The following PROZ variants were observed in gnomAD, a reference collection of about 807,000 sequenced individuals.
PROZ encodes vitamin K-dependent protein Z.
In PROZ, 46 loss-of-function variants were observed where a neutral mutation model predicts 34.9. The ratio of observed to expected loss-of-function variants is 1.32; its 90% confidence interval spans 1.04 to 1.69. The LOEUF (loss-of-function observed/expected upper bound fraction) is 1.69. PROZ is among the 40% of genes most tolerant of loss of function. The pLI is 0.00. For missense variants in PROZ, 530 were observed against 520.4 expected (o/e 1.02, Z -0.18); for synonymous variants, 195 against 208.5 (o/e 0.94, Z 0.56).
intron 5 of PROZ, 28 bp downstream of exon 5, chr13:113,164,672 A>C: frequency 6.2e-7 from 1 of 1,612,664 alleles, no homozygotes; most frequent in Non-Finnish European, 8.5e-7. Flanking sequence ...AGCGGCCTCC[A>C]GCTTCCAATG....
At chr13:113,169,643 C>A (rs1240432876) in intron 6 of PROZ, among the ~76,000 whole-genome samples, 1 of 152,222 alleles carries the variant, frequency 6.6e-6, no homozygotes, top group Non-Finnish European at 1.5e-5. Context: ...AAGTCTAGAG[C>A]TAGTTATTCT....
chr13:113,169,922 A>C (rs111386213), intron 6 of PROZ, among the ~76,000 whole-genome samples: 1,609 of 152,316 alleles, frequency 0.011, 26 homozygotes, highest in African/African-American at 0.035. Flanking sequence ...TCTGTTCTGC[A>C]GGACTCTGTT....
chr13:113,159,986 G>A lies in PROZ; in HGVS notation c.71-28G>A. 1.2e-6 allele frequency: 2 copies of A among 1,613,172 alleles called. No homozygotes were observed. Among genetic ancestry groups the A allele is most frequent in the Non-Finnish European group, 1.7e-6 (2 of 1,179,902 alleles). On this transcript the variant is annotated intron_variant, in intron 1 of 7. Transcript: ENST00000375547. This position sits in a 1 kb window ranked among gnomAD's most constrained non-coding sequence, Gnocchi z 4.6. Reference sequence around the variant, plus strand: ...GAAAGCAGGGCCCTCGGTGCTCCCAGTCACCTGCCTTCTTGTCTCGTCTGT... The same window carrying A: ...GAAAGCAGGGCCCTCGGTGCTCCCAATCACCTGCCTTCTTGTCTCGTCTGT...
chr13:113,163,018 C>G lies in PROZ; in HGVS notation c.269C>G (p.Pro90Arg), dbSNP rs145523497. 1.7e-3 allele frequency: 2,608 copies of G among 1,555,888 alleles called. 8 individuals carry two copies. Among genetic ancestry groups the G allele is most frequent in the Non-Finnish European group, 2.1e-3 (2,424 of 1,149,086 alleles). ...EFWRRYKGGS[P>R]CISQPCLHNG... The stretch of plus-strand genomic sequence containing the variant: ...CATCCTCCTCCTGCAGGCGGCTCCC[C>G]GTGCATCTCCCAGCCCTGCCTCCAC... Residue 90 changes from proline to arginine, a missense_variant, in exon 4 of 8, where the codon CCG becomes CGG. Pro to Arg is a moderately radical substitution (Grantham distance 103, BLOSUM62 -2). Transcript: ENST00000375547.
intron 3 of PROZ, among the ~76,000 whole-genome samples, chr13:113,161,701 G>A (rs115820320): frequency 0.012 from 1,775 of 152,054 alleles, 39 homozygotes; most frequent in African/African-American, 0.041. Flanking sequence ...TGGGGGCCAG[G>A]CGATGGCATG....
rs1566933262 is a variant in PROZ at position 113,172,094 on chromosome 13, A to T, written c.1192A>T (p.Ile398Phe). The T allele has an allele frequency of 6.2e-7, 1 of 1,612,742 alleles. No individual in the cohort carries two copies. Among genetic ancestry groups the T allele is most frequent in the Non-Finnish European group, 8.5e-7 (1 of 1,179,950 alleles). ...CAGGTACTCACTCTGGTTTAAACAGATCATGAACTAACTGAAACTCAGCTA... is the reference window on the plus strand; with the variant it reads ...CAGGTACTCACTCTGGTTTAAACAGTTCATGAACTAACTGAAACTCAGCTA... Reference protein sequence around the residue: ...VSRYSLWFKQIMN With the variant: ...VSRYSLWFKQFMN Residue 398 changes from isoleucine (I) to phenylalanine (F), a missense_variant, in exon 8 of 8, where the codon ATC (isoleucine) becomes TTC (phenylalanine). By Grantham distance (21) the Ile-to-Phe change is conservative (BLOSUM62 0). Coordinates refer to ENST00000375547, the MANE Select transcript of PROZ (RefSeq NM_003891.3).
Position 113,159,286 on chromosome 13 carries a change from C to G in PROZ, c.70+556C>G. The G allele has an allele frequency of 1.3e-6, 2 of 1,529,264 alleles. No homozygotes were observed. Among genetic ancestry groups the G allele is most frequent in the African/African-American group, 1.4e-5 (1 of 72,614 alleles). The allele number at this position is 1,529,264 out of a possible 1,614,324, so 94.7% of individuals were successfully genotyped here. ...AGCTGCAAGTCAAAACACCCAGCAT[C>G]CCCGCTGGCCCCATGGTCTCCCGCT... On this transcript the variant is annotated intron_variant, in intron 1 of 7. Coordinates refer to ENST00000375547, the MANE Select transcript of PROZ (RefSeq NM_003891.3). The surrounding 1 kb of genome is among the most constrained non-coding windows in gnomAD (Gnocchi z 4.6).
At chr13:113,164,445 T>C (rs539652295) in intron 4 of PROZ, 68 bp from the exon 5 acceptor site, 4 of 1,560,958 alleles carry the variant, frequency 2.6e-6, no homozygotes, top group Non-Finnish European at 3.5e-6. Flanking sequence ...CACACAGAAC[T>C]GTGTGCAAGG....
At chr13:113,161,713 G>A (rs2036763358) in intron 3 of PROZ, among the ~76,000 whole-genome samples, 1 of 151,976 alleles carries the variant, frequency 6.6e-6, no homozygotes, top group African/African-American at 2.4e-5. Context: ...GATGGCATGG[G>A]GAGCAGCATG....
intron 6 of PROZ, among the ~76,000 whole-genome samples, chr13:113,170,100 C>T (rs918702891): frequency 2.6e-5 from 4 of 152,228 alleles, no homozygotes; most frequent in African/African-American, 4.8e-5. Flanking sequence ...TGAAAACCAT[C>T]ATTCCATAGA....
chr13:113,163,102 A>C lies in PROZ; in HGVS notation c.353A>C (p.Glu118Ala), dbSNP rs2036793928. The change falls in exon 4 of 8, where the codon GAG becomes GCG. Residue 118 changes from glutamate (E) to alanine (A), a missense_variant. By Grantham distance (107) the Glu-to-Ala change is moderately radical. Coordinates refer to ENST00000375547, the MANE Select transcript of PROZ (RefSeq NM_003891.3). ...ACCTGCACCTGCTCCCCCGGCTATG[A>C]GGGCAGCAACTGCGAGCTGGGTGAG... Reference protein sequence around the residue: ...GYTCTCSPGYEGSNCELAKNE... With the variant: ...GYTCTCSPGYAGSNCELAKNE... The C allele has an allele frequency of 2.6e-6, 4 of 1,555,114 alleles. No homozygotes were observed. Among genetic ancestry groups the C allele is most frequent in the Non-Finnish European group, 3.5e-6 (4 of 1,148,688 alleles).
rs1418035706 is a variant in PROZ at position 113,171,766 on chromosome 13, T to C, written c.864T>C (p.Ala288=). Residue 288 remains alanine, a synonymous_variant, in exon 8 of 8, where the codon GCT becomes GCC. Coordinates refer to ENST00000375547, the MANE Select transcript of PROZ (RefSeq NM_003891.3). This position sits in a 1 kb window ranked among gnomAD's most constrained non-coding sequence, Gnocchi z 5.1. ...LPVCTPEKDF[A]EHLLIPRTRG... ...TGTGCACCCCTGAGAAAGACTTCGC[T>C]GAGCACCTCCTCATCCCACGCACCA... is the stretch of plus-strand genomic sequence containing the variant. The C allele has an allele frequency of 3.1e-6, 5 of 1,612,116 alleles. No homozygotes were observed. Among genetic ancestry groups the C allele is most frequent in the Non-Finnish European group, 4.2e-6 (5 of 1,178,720 alleles).
At position 113,164,589 on chromosome 13, in the gene PROZ, C is replaced by T. The variant is rs1310076482; in HGVS notation, c.450C>T (p.Cys150=). The change falls in exon 5 of 8, where the codon TGC becomes TGT. Residue 150 remains cysteine, a synonymous_variant. Coordinates refer to ENST00000375547, the MANE Select transcript of PROZ (RefSeq NM_003891.3). ...TCCCAGGACAGGAATCCTACACATG[C>T]AGCTGTGCTCAGGGCTACAGGCTTG... ...FCLPGQESYT[C]SCAQGYRLGE... is the part of the protein sequence containing the mutation. 1.9e-6 allele frequency: 3 copies of T among 1,613,732 alleles called. No individual in the cohort carries two copies. The highest frequency in any genetic ancestry group is 2.2e-5 in the East Asian group (1 of 44,870).
chr13:113,160,988 C>T lies in PROZ; in HGVS notation c.259+16C>T, dbSNP rs377250381. ...CGATATAAGGGTAAGTGGTTTCCTT[C>T]GTCTCCTCAGAAGTATTAATTCCTC... On this transcript the variant is annotated intron_variant, in intron 3 of 7. Coordinates refer to ENST00000375547, the MANE Select transcript of PROZ (RefSeq NM_003891.3). 37 of 1,603,272 alleles carry T rather than the reference C, an allele frequency of 2.3e-5. No individual in the cohort carries two copies. The highest frequency in any genetic ancestry group is 1.9e-4 in the Middle Eastern group (1 of 5,276).
chr13:113,159,392 GC>G lies in PROZ; in HGVS notation c.71-615del, dbSNP rs1443130880. On this transcript the variant is annotated intron_variant, in intron 1 of 7. Transcript: ENST00000375547. This position sits in a 1 kb window ranked among gnomAD's most constrained non-coding sequence, Gnocchi z 4.6. ...ACTTACCGTAGCCGGACTTAGCTGA[GC>G]CCCCCCTGCTGTAACCCTCAGCACC... 17 of 975,396 alleles carry G rather than the reference GC, an allele frequency of 1.7e-5. No homozygotes were observed. Among genetic ancestry groups the G allele is most frequent in the Non-Finnish European group, 2.5e-5 (16 of 648,342 alleles). 60.4% of individuals were successfully genotyped at this position (975,396 alleles called of 1,614,324 possible). A position where few individuals can be genotyped will look rare whatever the true frequency, so the allele number is the denominator to read the frequency against.
intron 2 of PROZ, 51 bp from the exon 3 acceptor site, chr13:113,160,897 A>G (rs778254125): frequency 6.8e-7 from 1 of 1,474,482 alleles, no homozygotes; most frequent in Non-Finnish European, 9.5e-7. Flanking sequence ...AGGAAAGAAT[A>G]TAGAAAAACA....
intron 6 of PROZ, among the ~76,000 whole-genome samples, 161 bp from the exon 7 acceptor site, chr13:113,170,252 C>G (rs2037069296): frequency 7.8e-6 from 1 of 127,470 alleles, no homozygotes; most frequent in South Asian, 2.3e-4. Context: ...CAATCCTGTA[C>G]CATTTGAGTG....
At chr13:113,160,819 T>C (rs1214756521) in intron 2 of PROZ, 129 bp from the exon 3 acceptor site, 1 of 790,572 alleles carries the variant, frequency 1.3e-6, no homozygotes, top group Non-Finnish European at 2.1e-6. Flanking sequence ...AAATTGTGCA[T>C]TGTTTCAACC....
In PROZ at chr13:113,159,053, A is replaced by C. The variant is rs1050750647; in HGVS notation, c.70+323A>C. On this transcript the variant is annotated intron_variant, in intron 1 of 7. Coordinates refer to ENST00000375547, the MANE Select transcript of PROZ (RefSeq NM_003891.3). This position sits in a 1 kb window ranked among gnomAD's most constrained non-coding sequence, Gnocchi z 4.6. ...GGAGGCCTGGGTTGGGCATTGGACG[A>C]GGGGAGGGGGTGGGGCAGGCTGAGC... 6 of 235,812 alleles carry C rather than the reference A, an allele frequency of 2.5e-5. No individual in the cohort carries two copies. Among genetic ancestry groups the C allele is most frequent in the Non-Finnish European group, 4.3e-5 (6 of 140,672 alleles). The allele number at this position is 235,812 out of a possible 1,614,324, so 14.6% of individuals were successfully genotyped here.
Sources: allele counts gnomAD v4.1 joint callset (sites outside exome capture counted in the v4.1 genomes callset), GRCh38; gene constraint gnomAD v4.1.1; non-coding constraint Gnocchi (gnomAD v3.1); transcripts MANE v1.5; gene names NCBI Gene and HGNC (gene_info 2026-07-23, HGNC 2026-07-21).